Variants in RPS6KC1 observed in about 807,000 individuals in gnomAD.
RPS6KC1 encodes ribosomal protein S6 kinase C1, also known as inactive ribosomal protein S6 kinase delta-1.
A neutral mutation model predicts 103.8 loss-of-function variants in RPS6KC1; 54 were observed. The ratio of observed to expected loss-of-function variants is 0.52; its 90% CI spans 0.42 to 0.65. RPS6KC1 has a LOEUF of 0.65. Ranked by LOEUF, RPS6KC1 falls within the 30% of genes least tolerant of loss-of-function variation. The pLI, the probability that RPS6KC1 is intolerant of heterozygous loss-of-function variation, is 0.00. For missense variants in RPS6KC1, 1,151 were observed against 1,253.8 expected (o/e 0.92, Z 1.24); for synonymous variants, 439 against 438.7 (o/e 1.00, Z -0.01).
chr1:213,280,289 T>G, the RPS6KC1 span, among the ~76,000 whole-genome samples: 4 of 152,178 alleles, frequency 2.6e-5, no homozygotes, highest in Non-Finnish European at 5.9e-5. Context: ...TCAGAGTTAC[T>G]TGTAATCAAA....
chr1:213,082,608 T>C (rs1249682091), intron 3 of RPS6KC1, among the ~76,000 whole-genome samples: 1 of 152,076 alleles, frequency 6.6e-6, no homozygotes, highest in African/African-American at 2.4e-5. Flanking sequence ...ATGTGGAAAG[T>C]TGAAAATGTA....
At chr1:213,371,217 G>T in the RPS6KC1 span, among the ~76,000 whole-genome samples, 1 of 152,052 alleles carries the variant, frequency 6.6e-6, no homozygotes, top group Admixed American at 6.6e-5. Context: ...TTGTCTTTTT[G>T]TGTCTGGCTT....
the RPS6KC1 span, among the ~76,000 whole-genome samples, chr1:213,732,734 G>A: frequency 1.2e-4 from 18 of 152,256 alleles, no homozygotes; most frequent in Middle Eastern, 3.4e-3. Context: ...TCTGCCACAA[G>A]TGAGAAATTT....
the RPS6KC1 span, among the ~76,000 whole-genome samples, chr1:213,331,520 G>A: frequency 6.6e-6 from 1 of 152,342 alleles, no homozygotes; most frequent in African/African-American, 2.4e-5. Context: ...GGATGAAGGA[G>A]ATGAATGGGG....
At chr1:213,258,802 C>T (rs2094712094) in intron 12 of RPS6KC1, among the ~76,000 whole-genome samples, 1 of 152,156 alleles carries the variant, frequency 6.6e-6, no homozygotes, top group African/African-American at 2.4e-5. Context: ...AACACACACC[C>T]TTTATAAAGT....
At chr1:213,105,403 T>G (rs766457632) in intron 4 of RPS6KC1, among the ~76,000 whole-genome samples, 24 of 152,256 alleles carry the variant, frequency 1.6e-4, no homozygotes, top group Non-Finnish European at 1.5e-4. Context: ...CTTTAAAATC[T>G]ATTCACTTGT....
the RPS6KC1 span, among the ~76,000 whole-genome samples, chr1:213,831,975 A>G: frequency 7.5e-3 from 1,139 of 152,294 alleles, 11 homozygotes; most frequent in South Asian, 0.021. Context: ...CTTGAATGGC[A>G]GGAAGCAGTA....
intron 10 of RPS6KC1, among the ~76,000 whole-genome samples, chr1:213,235,263 T>C (rs977875319): frequency 2.0e-5 from 3 of 152,188 alleles, no homozygotes; most frequent in Non-Finnish European, 4.4e-5. Flanking sequence ...TAGAAATGTA[T>C]TGAGTGCTTG....
the RPS6KC1 span, among the ~76,000 whole-genome samples, chr1:213,618,912 A>G: frequency 6.6e-6 from 1 of 152,242 alleles, no homozygotes; most frequent in African/African-American, 2.4e-5. Context: ...GTACCTGACC[A>G]GAGGAGGTAG....
At chr1:213,165,361 G>A (rs551913588) in intron 6 of RPS6KC1, among the ~76,000 whole-genome samples, 21 of 152,174 alleles carry the variant, frequency 1.4e-4, no homozygotes, top group African/African-American at 4.6e-4. Context: ...CTCATGAGTA[G>A]CTGGTATTAC....
chr1:213,119,601 A>G (rs1173454727), intron 5 of RPS6KC1, among the ~76,000 whole-genome samples: 1 of 150,932 alleles, frequency 6.6e-6, no homozygotes, highest in Non-Finnish European at 1.5e-5. Context: ...GGGAGTAGTT[A>G]TATTCTTCTG....
chr1:213,422,836 C>T, the RPS6KC1 span, among the ~76,000 whole-genome samples: 4 of 152,212 alleles, frequency 2.6e-5, no homozygotes, highest in Non-Finnish European at 5.9e-5. Context: ...AGGCATCTGC[C>T]TAATGCTTCC....
intron 8 of RPS6KC1, chr1:213,205,417 A>G (rs2647387): frequency 0.7 from 683,739 of 976,722 alleles, 240,711 homozygotes; most frequent in African/African-American, 0.87. Flanking sequence ...TTGAGTCACT[A>G]TGATGTGGAT....
the RPS6KC1 span, among the ~76,000 whole-genome samples, chr1:213,784,971 GA>G: frequency 6.6e-6 from 1 of 151,840 alleles, no homozygotes; most frequent in Non-Finnish European, 1.5e-5. Flanking sequence ...AAACTTTTCA[GA>G]AGTAAAAAAA....
chr1:213,678,069 C>G, the RPS6KC1 span, among the ~76,000 whole-genome samples: 305 of 152,034 alleles, frequency 2.0e-3, no homozygotes, highest in Non-Finnish European at 3.3e-3. Context: ...TTAATTCCCT[C>G]TGAAGGAGTT....
the RPS6KC1 span, among the ~76,000 whole-genome samples, chr1:213,299,017 C>T: frequency 3.9e-5 from 6 of 152,196 alleles, no homozygotes; most frequent in East Asian, 5.8e-4. Flanking sequence ...TCTTCACTCA[C>T]GTCTGGTGTT....
At chr1:213,564,892 G>T in the RPS6KC1 span, among the ~76,000 whole-genome samples, 1 of 152,242 alleles carries the variant, frequency 6.6e-6, no homozygotes, top group Non-Finnish European at 1.5e-5. Flanking sequence ...CTCCATACTG[G>T]ACCCTGACTG....
the RPS6KC1 span, among the ~76,000 whole-genome samples, chr1:213,484,589 G>A: frequency 3.3e-5 from 5 of 152,282 alleles, no homozygotes; most frequent in Non-Finnish European, 5.9e-5. Context: ...CACCAGATAC[G>A]TTATACTCTA....
the RPS6KC1 span, among the ~76,000 whole-genome samples, chr1:213,383,131 C>T: frequency 1.3e-5 from 2 of 152,202 alleles, no homozygotes; most frequent in African/African-American, 2.4e-5. Context: ...GACCCCCGGC[C>T]GTCCGCTCTG....
Sources: gnomAD v4.1 joint callset for allele counts (sites outside exome capture counted in the v4.1 genomes callset) on GRCh38, gnomAD v4.1.1 for gene constraint, MANE v1.5 for transcripts, NCBI Gene and HGNC (gene_info 2026-07-23, HGNC 2026-07-21) for gene names.